LATS1: variants seen among roughly 807,000 people sequenced by gnomAD.
LATS1 encodes serine/threonine-protein kinase LATS1.
LATS1 carries 25 observed loss-of-function variants against 106.6 expected under a neutral mutation model. The observed-to-expected ratio is 0.23, with a 90% CI of 0.17 to 0.33. The LOEUF (loss-of-function observed/expected upper bound fraction) is 0.33, where lower values mean the gene tolerates loss of function less well. Among genes scored for constraint, LATS1 ranks in the 10% least tolerant of loss-of-function variants. LATS1 has a pLI of 1.00. For missense variants in LATS1, 1,040 were observed against 1,382.6 expected (o/e 0.75, Z 3.93); for synonymous variants, 465 against 455.6 (o/e 1.02, Z -0.26).
Position 149,683,385 on chromosome 6 carries a change from T to A in LATS1, c.1704A>T (p.Pro568=). The A allele has an allele frequency of 1.2e-6, 2 of 1,614,154 alleles. No homozygotes were observed. The highest frequency in any genetic ancestry group is 1.7e-6 in the Non-Finnish European group (2 of 1,180,018). Residue 568 remains proline (P), a synonymous_variant, in exon 4 of 8, where the codon CCA becomes CCT. Transcript: ENST00000543571. ...PYPKHLLHQN[P]SVPPYESISK... Reference sequence around the variant, plus strand: ...TGATTGACTCGTATGGAGGAACAGATGGGTTTTGGTGCAGCAGATGTTTTG... The same window carrying A: ...TGATTGACTCGTATGGAGGAACAGAAGGGTTTTGGTGCAGCAGATGTTTTG...
intron 7 of LATS1, among the ~76,000 whole-genome samples, chr6:149,667,808 ATTAT>A (rs1195619149): frequency 3.9e-5 from 6 of 152,254 alleles, no homozygotes; most frequent in Admixed American, 3.3e-4. Flanking sequence ...AACATAATGC[ATTAT>A]TTGAGAGATC....
Position 149,676,270 on chromosome 6 carries a change from G to A in LATS1, c.2873C>T (p.Thr958Ile). Residue 958 changes from threonine to isoleucine, a missense_variant, in exon 7 of 8, where the codon ACA becomes ATA. Around this residue, in one of 7 missense-constraint regions of LATS1, gnomAD observed 113 missense variants for 146.3 expected, o/e 0.77. Transcript: ENST00000543571. ...GATGCCATACCTTACCTTCATTTGT[G>A]TTTCTAATGGTGTTTGTGCCAAGAA... ...PPFLAQTPLE[T>I]QMKVINWQTS... 6.2e-7 allele frequency: 1 copy of A among 1,606,218 alleles called. No individual in the cohort carries two copies. The highest frequency in any genetic ancestry group is 8.5e-7 in the Non-Finnish European group (1 of 1,172,820).
chr6:149,711,266 C>T (rs907398659), intron 1 of LATS1, among the ~76,000 whole-genome samples: 12 of 151,706 alleles, frequency 7.9e-5, no homozygotes, highest in Admixed American at 4.6e-4. Context: ...ATCTTTTGGC[C>T]GGGCACGGTG....
intron 1 of LATS1, 59 bp from the exon 2 acceptor site, chr6:149,702,325 T>A: frequency 2.1e-6 from 1 of 481,674 alleles, no homozygotes; most frequent in Non-Finnish European, 3.6e-6. Flanking sequence ...GTACCATGTA[T>A]TAGAGGAAAA....
Position 149,680,367 on chromosome 6 carries a change from C to T in LATS1, c.2101G>A (p.Asp701Asn), listed in dbSNP as rs757805167. The T allele has an allele frequency of 6.8e-6, 11 of 1,613,844 alleles. No homozygotes were observed. Among genetic ancestry groups the T allele is most frequent in the Non-Finnish European group, 9.3e-6 (11 of 1,179,956 alleles). The change falls in exon 5 of 8, where the codon GAC (aspartate) becomes AAC (asparagine). Residue 701 changes from aspartate to asparagine, a missense_variant. Around this residue, in one of 7 missense-constraint regions of LATS1, gnomAD observed 167 missense variants for 332.1 expected, o/e 0.50. Coordinates refer to ENST00000543571, the MANE Select transcript of LATS1 (RefSeq NM_004690.4). ...NYIRLKRAKM[D>N]KSMFVKIKTL... is the part of the protein sequence containing the mutation. ...TTTATCTTCACAAACATAGACTTGT[C>T]CATTTTAGCCCTTTTAAGACGGATG...
intron 2 of LATS1, among the ~76,000 whole-genome samples, chr6:149,696,743 G>A (rs2114921045): frequency 6.6e-6 from 1 of 152,054 alleles, no homozygotes; most frequent in Non-Finnish European, 1.5e-5. Context: ...GACTATATAT[G>A]ATTATGTGAT....
intron 1 of LATS1, among the ~76,000 whole-genome samples, chr6:149,707,634 G>T (rs1783864734): frequency 6.6e-6 from 1 of 152,138 alleles, no homozygotes; most frequent in Non-Finnish European, 1.5e-5. Flanking sequence ...CTGAGTTCTG[G>T]TATATGTGTA....
Position 149,683,265 on chromosome 6 carries a change from TTTC to T in LATS1, c.1821_1823del (p.Lys608del), listed in dbSNP as rs756230708. ...CAGTAATAGGTGAAGTTGTAATCTG[TTTC>T]TTTTCTTTATCCCCACTATCAACAT... On this transcript the variant is annotated inframe_deletion, in exon 4 of 8. Transcript: ENST00000543571. The T allele has an allele frequency of 3.1e-6, 5 of 1,614,138 alleles. No individual in the cohort carries two copies. The South Asian group carries it at 5.5e-5, about 18-fold the overall frequency.
chr6:149,666,286 T>C (rs559946461), intron 7 of LATS1, among the ~76,000 whole-genome samples: 3 of 152,006 alleles, frequency 2.0e-5, no homozygotes, highest in African/African-American at 7.2e-5. Context: ...AGTATTGATA[T>C]GACATAGATG....
chr6:149,683,007 C>A, intron 4 of LATS1, 72 bp downstream of exon 4: 1 of 1,207,248 alleles, frequency 8.3e-7, no homozygotes. Flanking sequence ...AAATACTGGA[C>A]ACAATATTTT....
intron 7 of LATS1, among the ~76,000 whole-genome samples, chr6:149,666,038 A>G (rs982425885): frequency 2.0e-5 from 3 of 146,824 alleles, no homozygotes; most frequent in African/African-American, 7.6e-5. Context: ...GCTACCTGGG[A>G]GGCTGAGGCA....
chr6:149,712,157 C>T (rs960069069), intron 1 of LATS1, among the ~76,000 whole-genome samples: 12 of 152,096 alleles, frequency 7.9e-5, no homozygotes, highest in African/African-American at 2.7e-4. Flanking sequence ...AACATAATAC[C>T]GTGAACATCT....
chr6:149,678,009 A>T (rs112602396), intron 5 of LATS1, among the ~76,000 whole-genome samples: 1 of 117,768 alleles, frequency 8.5e-6, no homozygotes, highest in African/African-American at 3.5e-5. Context: ...ACAGACCAAA[A>T]CTCCGTCTCA....
chr6:149,660,560 T>A lies in LATS1; in HGVS notation c.*1169A>T, dbSNP rs1031678051. ...GAGCCTTTTTCCCCTTCCTAAAAGA[T>A]AAGCTACATGTATTTTGGTATGAAA... On this transcript the variant is annotated 3_prime_UTR_variant, in exon 8 of 8. Coordinates refer to ENST00000543571, the MANE Select transcript of LATS1 (RefSeq NM_004690.4). The A allele has an allele frequency of 2.6e-5, 6 of 232,804 alleles. No individual in the cohort carries two copies. Among genetic ancestry groups the A allele is most frequent in the African/African-American group, 1.3e-4 (6 of 45,336 alleles). 14.4% of individuals were successfully genotyped at this position (232,804 alleles called of 1,614,324 possible).
intron 3 of LATS1, 99 bp from the exon 4 acceptor site, chr6:149,684,691 C>T (rs747749392): frequency 1.9e-4 from 147 of 776,590 alleles, no homozygotes; most frequent in Non-Finnish European, 2.7e-4. Context: ...AAATGATACT[C>T]AATTCTCTTT....
At position 149,676,704 on chromosome 6, in the gene LATS1, C is replaced by T. The variant is rs764981187; in HGVS notation, c.2627G>A (p.Ser876Asn). The change falls in exon 6 of 8, where the codon AGT (serine) becomes AAT (asparagine). Residue 876 changes from serine (S) to asparagine (N), a missense_variant. Around this residue, in one of 7 missense-constraint regions of LATS1, gnomAD observed 63 missense variants for 64.3 expected, o/e 0.98. Coordinates refer to ENST00000543571, the MANE Select transcript of LATS1 (RefSeq NM_004690.4). ...DHPRQDSMDF[S>N]NEWGDPSSCR... is the part of the protein sequence containing the mutation. Reference sequence around the variant, plus strand: ...GCTTGAGGGATCCCCCCATTCATTACTGAAATCCATGCTATCTTGCCGTGG... The same window carrying T: ...GCTTGAGGGATCCCCCCATTCATTATTGAAATCCATGCTATCTTGCCGTGG... The T allele has an allele frequency of 2.4e-5, 38 of 1,613,770 alleles. No individual in the cohort carries two copies. The highest frequency in any genetic ancestry group is 3.1e-5 in the Non-Finnish European group (36 of 1,179,862).
chr6:149,704,677 C>T (rs1227509354), intron 1 of LATS1, among the ~76,000 whole-genome samples: 1 of 151,288 alleles, frequency 6.6e-6, no homozygotes, highest in African/African-American at 2.4e-5. Flanking sequence ...AACAAAGTCT[C>T]CCTATGTTGC....
chr6:149,697,561 T>C (rs902405230), intron 2 of LATS1, among the ~76,000 whole-genome samples: 14 of 152,334 alleles, frequency 9.2e-5, no homozygotes, highest in African/African-American at 3.1e-4. Context: ...TATGTGTAAA[T>C]GTAAAATAAT....
intron 7 of LATS1, among the ~76,000 whole-genome samples, chr6:149,665,812 T>C (rs946688235): frequency 8.6e-5 from 13 of 152,030 alleles, no homozygotes; most frequent in African/African-American, 2.9e-4. Context: ...CAACCGGGTT[T>C]AATGCTTGTC....
Sources: allele counts gnomAD v4.1 joint callset (sites outside exome capture counted in the v4.1 genomes callset), GRCh38; gene constraint gnomAD v4.1.1; regional missense constraint gnomAD v4.1.1; transcripts MANE v1.5; gene names NCBI Gene and HGNC (gene_info 2026-07-23, HGNC 2026-07-21).